KCNG1: variants seen among roughly 807,000 people sequenced by gnomAD.
KCNG1 encodes the protein potassium voltage-gated channel modifier subfamily G member 1.
Under a neutral mutation model 32.4 loss-of-function variants are expected in KCNG1, and 17 were observed. The ratio of observed to expected loss-of-function variants is 0.52; its 90% CI spans 0.36 to 0.79. KCNG1 has a LOEUF of 0.79. Ranked by LOEUF, KCNG1 falls within the 30% of genes least tolerant of loss-of-function variation. The pLI is 0.00. For synonymous variants in KCNG1, 358 were observed against 339.9 expected, an observed-to-expected ratio of 1.05 and a Z score of -0.59; for missense variants, 441 against 735.2, an observed-to-expected ratio of 0.60 and a Z score of 4.63.
chr20:51,008,257 T>A (rs551566322), intron 2 of KCNG1, among the ~76,000 whole-genome samples: 2 of 152,050 alleles, frequency 1.3e-5, no homozygotes, highest in Non-Finnish European at 2.9e-5. Flanking sequence ...GGAGGTGCCA[T>A]GTAGGACCGC....
At position 51,012,649 on chromosome 20, in the gene KCNG1, T is replaced by A. The variant is rs558084115; in HGVS notation, c.-26-2285A>T. Among the ~76,000 whole-genome samples, 5 of 152,386 alleles carry A rather than the reference T, an allele frequency of 3.3e-5. No individual in the cohort carries two copies. The East Asian group carries it at 9.6e-4, about 29-fold the overall frequency. Reference sequence around the variant, plus strand: ...AGATTGCTTATTCATTACCAGCTCATGGGCTGAATTTGGTTCACAAATATT... The same window carrying A: ...AGATTGCTTATTCATTACCAGCTCAAGGGCTGAATTTGGTTCACAAATATT... On this transcript the variant is annotated intron_variant, in intron 1 of 2. Transcript: ENST00000371571.
chr20:51,011,763 C>T (rs1332054166), intron 1 of KCNG1, among the ~76,000 whole-genome samples: 5 of 152,192 alleles, frequency 3.3e-5, no homozygotes, highest in Non-Finnish European at 5.9e-5. Context: ...AATGCAGTGC[C>T]TGGCACATAG....
intron 1 of KCNG1, chr20:51,013,747 T>G (rs1249401799): frequency 6.6e-6 from 1 of 152,224 alleles, no homozygotes; most frequent in Non-Finnish European, 1.5e-5. Context: ...GGAACCCATC[T>G]CCTCAGGCAC....
At chr20:51,020,709 A>G (rs941667138) in intron 1 of KCNG1, among the ~76,000 whole-genome samples, 11 of 152,074 alleles carry the variant, frequency 7.2e-5, no homozygotes, top group Admixed American at 3.9e-4. Flanking sequence ...TTGACTCTTC[A>G]TCAACATTGG....
At position 51,003,945 on chromosome 20, in the gene KCNG1, A is replaced by C; in HGVS notation, c.*94T>G. Reference sequence around the variant, plus strand: ...GGAGTCGGTGCTGCGCCAGGACTGCACTCGGAAGCGGCCTGTCCCTCTCCA... The same window carrying C: ...GGAGTCGGTGCTGCGCCAGGACTGCCCTCGGAAGCGGCCTGTCCCTCTCCA... On this transcript the variant is annotated 3_prime_UTR_variant, in exon 3 of 3. Transcript: ENST00000371571. 1 of 1,417,318 alleles carries C rather than the reference A, an allele frequency of 7.1e-7. No individual in the cohort carries two copies. The highest frequency in any genetic ancestry group is 9.6e-7 in the Non-Finnish European group (1 of 1,038,866). 87.8% of individuals were successfully genotyped at this position (1,417,318 alleles called of 1,614,324 possible).
At chr20:51,018,583 C>T (rs916016550) in intron 1 of KCNG1, among the ~76,000 whole-genome samples, 1 of 152,172 alleles carries the variant, frequency 6.6e-6, no homozygotes, top group Admixed American at 6.5e-5. Flanking sequence ...GCTAACTGCA[C>T]AAAGTGTTAT....
chr20:51,011,517 TCCTACAATGCACAGGA>T (rs916504325), intron 1 of KCNG1, among the ~76,000 whole-genome samples: 2 of 152,132 alleles, frequency 1.3e-5, no homozygotes, highest in African/African-American at 4.8e-5. Context: ...CTGTTGCATG[TCCTACAATGCACAGGA>T]CAGTCCCCAC....
chr20:51,014,371 G>A (rs376965355), intron 1 of KCNG1, among the ~76,000 whole-genome samples: 9 of 152,240 alleles, frequency 5.9e-5, no homozygotes, highest in East Asian at 5.8e-4. Context: ...TGCTTTTCAC[G>A]CAGCCTGATA....
intron 1 of KCNG1, among the ~76,000 whole-genome samples, chr20:51,016,448 G>A (rs940743962): frequency 6.6e-6 from 1 of 151,820 alleles, no homozygotes; most frequent in Non-Finnish European, 1.5e-5. Flanking sequence ...AAAAAAAAAA[G>A]GGGATGTTGA....
chr20:51,022,276 T>C (rs891452955), intron 1 of KCNG1, among the ~76,000 whole-genome samples: 25 of 152,336 alleles, frequency 1.6e-4, no homozygotes, highest in South Asian at 1.2e-3. Flanking sequence ...GCTGAGCCTC[T>C]CTCCCACATG....
At chr20:51,018,764 G>A (rs1376689270) in intron 1 of KCNG1, among the ~76,000 whole-genome samples, 1 of 152,150 alleles carries the variant, frequency 6.6e-6, no homozygotes, top group Admixed American at 6.5e-5. Flanking sequence ...GAAAACTTAT[G>A]TCTGGCAATA....
chr20:51,004,162 C>T lies in KCNG1; in HGVS notation c.1419G>A (p.Glu473=). 2 of 1,614,218 alleles carry T rather than the reference C, an allele frequency of 1.2e-6. No individual in the cohort carries two copies. The highest frequency in any genetic ancestry group is 1.7e-6 in the Non-Finnish European group (2 of 1,180,040). The change falls in exon 3 of 3, where the codon GAG becomes GAA. Residue 473 remains glutamate (E), a synonymous_variant. Coordinates refer to ENST00000371571, the MANE Select transcript of KCNG1 (RefSeq NM_002237.4). This position sits in a 1 kb window ranked among gnomAD's most constrained non-coding sequence, Gnocchi z 4.3. ...CCCTCCGGAACATCACCCTCTCTTG[C>T]TCCTGCTTGAGCTCCAGGTAGGAGC... ...FSRSYLELKQ[E]QERVMFRRAQ...
chr20:51,004,219 G>A lies in KCNG1; in HGVS notation c.1362C>T (p.Phe454=). ...AGGTGTGGAAGATGGAGGTGACTGG[G>A]AAGGCCATGAGCAGGATGCCGCTCA... ...SILSGILLMA[F]PVTSIFHTFS... is the part of the protein sequence containing the mutation. The change falls in exon 3 of 3, where the codon TTC becomes TTT. Residue 454 remains phenylalanine, a synonymous_variant. Transcript: ENST00000371571. The surrounding 1 kb of genome is among the most constrained non-coding windows in gnomAD (Gnocchi z 4.3). 6.2e-7 allele frequency: 1 copy of A among 1,614,102 alleles called. No individual in the cohort carries two copies. The highest frequency in any genetic ancestry group is 1.7e-5 in the Admixed American group (1 of 60,018).
At position 51,015,763 on chromosome 20, in the gene KCNG1, C is replaced by T. The variant is rs1988260211; in HGVS notation, c.-26-5399G>A. Among the ~76,000 whole-genome samples, 1 of 152,228 alleles carries T rather than the reference C, an allele frequency of 6.6e-6. No individual in the cohort carries two copies. Among genetic ancestry groups the T allele is most frequent in the African/African-American group, 2.4e-5 (1 of 41,454 alleles). Reference sequence around the variant, plus strand: ...AAGGTTACAGGTGGAATTAAGGCTGCTACAGCTGATCTGAGATGGGAAATT... The same window carrying T: ...AAGGTTACAGGTGGAATTAAGGCTGTTACAGCTGATCTGAGATGGGAAATT... On this transcript the variant is annotated intron_variant, in intron 1 of 2. Coordinates refer to ENST00000371571, the MANE Select transcript of KCNG1 (RefSeq NM_002237.4). The surrounding 1 kb of genome is among the most constrained non-coding windows in gnomAD (Gnocchi z 4.4).
In KCNG1 at chr20:51,003,893, G is replaced by T. The variant is rs1003072390; in HGVS notation, c.*146C>A. 2.5e-6 allele frequency: 2 copies of T among 802,036 alleles called. No homozygotes were observed. Among genetic ancestry groups the T allele is most frequent in the Non-Finnish European group, 3.9e-6 (2 of 515,922 alleles). The allele number at this position is 802,036 out of a possible 1,614,324, so 49.7% of individuals were successfully genotyped here. On this transcript the variant is annotated 3_prime_UTR_variant, in exon 3 of 3. Transcript: ENST00000371571. ...CTAGTGTTCTTCCCGGGGTGTGGGA[G>T]TGAGGGTGTCCTTCCCCGGGTGCGT...
chr20:51,018,644 G>A (rs750432806), intron 1 of KCNG1, among the ~76,000 whole-genome samples: 25 of 152,212 alleles, frequency 1.6e-4, no homozygotes, highest in Non-Finnish European at 3.1e-4. Context: ...TAAGTGCCAG[G>A]TGCTGTGCTA....
At chr20:51,009,535 C>A in intron 2 of KCNG1, 30 bp downstream of exon 2, 1 of 1,545,586 alleles carries the variant, frequency 6.5e-7, no homozygotes, top group South Asian at 1.2e-5. Context: ...CTCGTGGTGG[C>A]GCGTTTCCCC....
chr20:51,017,813 C>T (rs552309769), intron 1 of KCNG1, among the ~76,000 whole-genome samples: 4 of 152,248 alleles, frequency 2.6e-5, no homozygotes, highest in South Asian at 2.1e-4. Flanking sequence ...CCCTGCCCAA[C>T]GTGTCAATCT....
chr20:51,022,656 T>G (rs1171569200), intron 1 of KCNG1: 1 of 152,208 alleles, frequency 6.6e-6, no homozygotes, highest in Non-Finnish European at 1.5e-5. Context: ...ACCCGCACCT[T>G]GGCCGTAACA....
Sources: gnomAD v4.1 joint callset for allele counts (sites outside exome capture counted in the v4.1 genomes callset) on GRCh38, gnomAD v4.1.1 for gene constraint, Gnocchi (gnomAD v3.1) non-coding constraint, MANE v1.5 for transcripts, NCBI Gene and HGNC (gene_info 2026-07-23, HGNC 2026-07-21) for gene names.